Variants in CRIM1 observed in about 807,000 individuals in gnomAD.
CRIM1 encodes cysteine rich transmembrane BMP regulator 1, also known as cysteine-rich motor neuron 1 protein.
In CRIM1, 32 loss-of-function variants were observed where a neutral mutation model predicts 116.4. That is an observed-to-expected ratio of 0.27 (90% CI 0.21 to 0.37). The LOEUF is 0.37. Ranked by LOEUF, CRIM1 falls within the 10% of genes least tolerant of loss-of-function variation. The probability of loss-of-function intolerance (pLI) is 1.00; values close to 1 mark genes in which losing one functional copy is unlikely to be tolerated. For synonymous variants in CRIM1, 590 were observed against 509.2 expected (o/e 1.16, Z -2.13); for missense variants, 1,331 against 1,354.8 (o/e 0.98, Z 0.28).
At position 36,542,454 on chromosome 2, in the gene CRIM1, A is replaced by G. The variant is rs1228535468; in HGVS notation, c.2624-1922A>G. Among the ~76,000 whole-genome samples, 5 of 152,360 alleles carry G rather than the reference A, an allele frequency of 3.3e-5. No individual in the cohort carries two copies. In the East Asian group the frequency reaches 9.6e-4, roughly 29 times the overall value. ...GGAGTTTCACCGGAAATCTACCCAT[A>G]TGCAGGGTCAAGGCAAAAGAATTCC... On this transcript the variant is annotated intron_variant, in intron 14 of 16. Transcript: ENST00000280527.
At position 36,517,493 on chromosome 2, in the gene CRIM1, C is replaced by G. The variant is rs771920069; in HGVS notation, c.2157C>G (p.Leu719=). The change falls in exon 12 of 17, where the codon CTC becomes CTG. Residue 719 remains leucine (L), a synonymous_variant. Transcript: ENST00000280527. The part of the protein sequence containing the change: ...LCETEVCPPL[L]CQNPSRTQDS... The stretch of plus-strand genomic sequence containing the variant: ...AGACAGAGGTGTGCCCACCGCTGCT[C>G]TGCCAGAACCCCTCACGCACCCAGG... The G allele has an allele frequency of 3.7e-6, 6 of 1,614,096 alleles. No homozygotes were observed. The East Asian group carries it at 8.9e-5, about 24-fold the overall frequency.
chr2:36,531,899 C>T (rs1233015507), intron 13 of CRIM1: 1 of 470,904 alleles, frequency 2.1e-6, no homozygotes, highest in Non-Finnish European at 4.4e-6. Flanking sequence ...TTTGTCTGAG[C>T]ATCCCATGAG....
chr2:36,430,150 A>C (rs1385354618), intron 2 of CRIM1, among the ~76,000 whole-genome samples: 1 of 152,182 alleles, frequency 6.6e-6, no homozygotes, highest in Non-Finnish European at 1.5e-5. Context: ...TTTGAAATAG[A>C]AAAAGGTGCT....
chr2:36,541,199 G>A (rs1666920460), intron 14 of CRIM1, among the ~76,000 whole-genome samples: 1 of 152,070 alleles, frequency 6.6e-6, no homozygotes, highest in Non-Finnish European at 1.5e-5. Flanking sequence ...TTTCTCATCT[G>A]GATAGCACAT....
At chr2:36,500,951 T>C (rs906261980) in intron 8 of CRIM1, among the ~76,000 whole-genome samples, 9 of 152,222 alleles carry the variant, frequency 5.9e-5, no homozygotes, top group African/African-American at 2.2e-4. Context: ...GCCTGGCTTA[T>C]TTTTCCAGAA....
chr2:36,422,201 A>G (rs1342337256), intron 2 of CRIM1, among the ~76,000 whole-genome samples: 2 of 150,204 alleles, frequency 1.3e-5, no homozygotes, highest in African/African-American at 4.9e-5. Context: ...TTCTTGGGGG[A>G]TTTGTCTCTA....
intron 2 of CRIM1, among the ~76,000 whole-genome samples, chr2:36,416,013 G>C (rs1036079802): frequency 4.6e-5 from 7 of 152,148 alleles, no homozygotes; most frequent in Admixed American, 1.3e-4. Context: ...TTCAAGACCA[G>C]CCAGGGCAAC....
chr2:36,387,559 A>T (rs1671257875), intron 1 of CRIM1, among the ~76,000 whole-genome samples: 1 of 152,206 alleles, frequency 6.6e-6, no homozygotes, highest in African/African-American at 2.4e-5. Context: ...TTACTCTCAA[A>T]GCAGAGGGAA....
intron 3 of CRIM1, among the ~76,000 whole-genome samples, chr2:36,442,113 C>G (rs959396328): frequency 6.6e-6 from 1 of 152,198 alleles, no homozygotes; most frequent in African/African-American, 2.4e-5. Context: ...TATATTATTT[C>G]TAACATCCTT....
chr2:36,527,964 G>A (rs745914768), intron 13 of CRIM1, among the ~76,000 whole-genome samples: 25 of 151,944 alleles, frequency 1.6e-4, no homozygotes, highest in Middle Eastern at 3.4e-3. Flanking sequence ...TTTATGTCTC[G>A]GTGATATGAT....
intron 8 of CRIM1, among the ~76,000 whole-genome samples, chr2:36,503,467 G>A (rs56389851): frequency 0.013 from 2,022 of 152,284 alleles, 45 homozygotes; most frequent in African/African-American, 0.045. Context: ...ACTCTGCACT[G>A]TAACTATTTT....
At chr2:36,540,121 G>A (rs1666847495) in intron 14 of CRIM1, among the ~76,000 whole-genome samples, 1 of 152,108 alleles carries the variant, frequency 6.6e-6, no homozygotes. Context: ...GAAACCAGGT[G>A]GAGAAAGGGT....
intron 2 of CRIM1, among the ~76,000 whole-genome samples, chr2:36,405,239 G>C (rs1424297806): frequency 6.6e-6 from 1 of 152,152 alleles, no homozygotes. Context: ...TGATCTGGTG[G>C]AGCTGGGAGT....
chr2:36,494,197 T>G (rs1680423575), intron 7 of CRIM1, among the ~76,000 whole-genome samples: 1 of 152,194 alleles, frequency 6.6e-6, no homozygotes, highest in Admixed American at 6.5e-5. Flanking sequence ...TTAATCAAAT[T>G]AATTGTGATC....
At chr2:36,441,216 C>T (rs376912980) in intron 2 of CRIM1, 42 bp from the exon 3 acceptor site, 80 of 1,611,276 alleles carry the variant, frequency 5.0e-5, no homozygotes, top group Non-Finnish European at 6.7e-5. Flanking sequence ...AAGTGCCCCA[C>T]ACTGCCCTGG....
chr2:36,506,437 A>G (rs1333712111), intron 8 of CRIM1, among the ~76,000 whole-genome samples: 4 of 152,108 alleles, frequency 2.6e-5, no homozygotes, highest in Non-Finnish European at 5.9e-5. Flanking sequence ...TACAGCAAAG[A>G]AGTATGCAGT....
rs1667600979 is a variant in CRIM1, at chr2:36,549,541, C to G, written c.*840C>G. On this transcript the variant is annotated 3_prime_UTR_variant, in exon 17 of 17. Coordinates refer to ENST00000280527, the MANE Select transcript of CRIM1 (RefSeq NM_016441.3). ...GACGAACACCAGGCATTTCCAGGGG[C>G]TATATTTCACTGTTTGTTGTTGCTT... 1 of 151,992 alleles carries G rather than the reference C, an allele frequency of 6.6e-6. No homozygotes were observed. The highest frequency in any genetic ancestry group is 2.1e-4 in the South Asian group (1 of 4,800). The allele number at this position is 151,992 out of a possible 1,614,324, so 9.4% of individuals were successfully genotyped here.
In CRIM1 at chr2:36,464,570, G is replaced by A; in HGVS notation, c.906G>A (p.Val302=). The A allele has an allele frequency of 6.2e-7, 1 of 1,614,154 alleles. No individual in the cohort carries two copies. The highest frequency in any genetic ancestry group is 1.3e-5 in the African/African-American group (1 of 75,046). Residue 302 remains valine, a synonymous_variant, in exon 5 of 17, where the codon GTG becomes GTA. Coordinates refer to ENST00000280527, the MANE Select transcript of CRIM1 (RefSeq NM_016441.3). ...ECLSGLCGFP[V]CEVGSTPRIV... ...TCTCTGGCTTATGTGGTTTCCCCGTGTGTGAGGTGGGATCCACTCCCCGCA... is the reference window on the plus strand; with the variant it reads ...TCTCTGGCTTATGTGGTTTCCCCGTATGTGAGGTGGGATCCACTCCCCGCA...
intron 2 of CRIM1, among the ~76,000 whole-genome samples, chr2:36,429,515 C>T (rs1182439256): frequency 6.6e-6 from 1 of 152,056 alleles, no homozygotes; most frequent in Non-Finnish European, 1.5e-5. Flanking sequence ...TTGTTCAGGT[C>T]CATCAAGACT....
Sources: gnomAD v4.1 joint callset for allele counts (sites outside exome capture counted in the v4.1 genomes callset) on GRCh38, gnomAD v4.1.1 for gene constraint, MANE v1.5 for transcripts, NCBI Gene and HGNC (gene_info 2026-07-23, HGNC 2026-07-21) for gene names.